THSD7A: variants seen among roughly 807,000 people sequenced by gnomAD.
THSD7A encodes thrombospondin type 1 domain containing 7A, also known as thrombospondin type-1 domain-containing protein 7A.
Under a neutral mutation model 231.3 loss-of-function variants are expected in THSD7A, and 96 were observed. That is an observed-to-expected ratio of 0.41 (90% CI 0.35 to 0.49). The LOEUF (loss-of-function observed/expected upper bound fraction) is 0.49, where lower values mean the gene tolerates loss of function less well. THSD7A is among the 20% of genes least tolerant of loss of function. The probability of loss-of-function intolerance (pLI) is 0.05; values close to 1 mark genes in which losing one functional copy is unlikely to be tolerated. For missense variants in THSD7A, 2,290 were observed against 2,070.2 expected, an observed-to-expected ratio of 1.11 and a Z score of -2.06; for synonymous variants, 940 against 743.3, an observed-to-expected ratio of 1.26 and a Z score of -4.30.
At chr7:11,665,872 C>T (rs1030738808) in intron 1 of THSD7A, among the ~76,000 whole-genome samples, 9 of 152,136 alleles carry the variant, frequency 5.9e-5, no homozygotes, top group African/African-American at 2.2e-4. Context: ...ACACAAATTA[C>T]AAGTTTTTAA....
Position 11,393,217 on chromosome 7 carries a change from C to T in THSD7A, c.4411+8578G>A, listed in dbSNP as rs141883757. On this transcript the variant is annotated intron_variant, in intron 23 of 27. Coordinates refer to ENST00000423059, the MANE Select transcript of THSD7A (RefSeq NM_015204.3). Reference sequence around the variant, plus strand: ...ACTGGCAGCAATCTTCGCTGTTCTGCAGCCTCCGTTGGTGATATCCAGGCA... The same window carrying T: ...ACTGGCAGCAATCTTCGCTGTTCTGTAGCCTCCGTTGGTGATATCCAGGCA... 1.8e-3 allele frequency among the ~76,000 whole-genome samples: 274 copies of T among 152,340 alleles called. 1 individual carries two copies. The highest frequency in any genetic ancestry group is 0.01 in the Middle Eastern group (3 of 294).
intron 1 of THSD7A, among the ~76,000 whole-genome samples, chr7:11,672,904 A>G (rs542539648): frequency 4.0e-4 from 61 of 152,304 alleles, no homozygotes; most frequent in African/African-American, 1.4e-3. Context: ...AATAATTTTA[A>G]TTAGTTTCAG....
At chr7:11,395,014 C>A (rs796995370) in intron 23 of THSD7A, among the ~76,000 whole-genome samples, 1 of 152,100 alleles carries the variant, frequency 6.6e-6, no homozygotes, top group African/African-American at 2.4e-5. Context: ...TTAAAAGACA[C>A]AGACTGGCAA....
At chr7:11,659,776 A>C (rs1465456509) in intron 1 of THSD7A, among the ~76,000 whole-genome samples, 1 of 151,564 alleles carries the variant, frequency 6.6e-6, no homozygotes, top group East Asian at 1.9e-4. Context: ...TGTCACTGTT[A>C]ATACATTAGT....
At chr7:11,776,123 A>C (rs1339103476) in intron 1 of THSD7A, among the ~76,000 whole-genome samples, 1 of 152,220 alleles carries the variant, frequency 6.6e-6, no homozygotes, top group Non-Finnish European at 1.5e-5. Context: ...AGGGAGATGC[A>C]CTTTCAATGA....
At chr7:11,676,325 G>C (rs1386420028) in intron 1 of THSD7A, among the ~76,000 whole-genome samples, 1 of 152,082 alleles carries the variant, frequency 6.6e-6, no homozygotes, top group Non-Finnish European at 1.5e-5. Context: ...AGCACAAAAA[G>C]GCTGAAAATG....
rs567449450 is a variant in THSD7A at position 11,711,727 on chromosome 7, C to A, written c.191-74766G>T. ...GAAGTATGTAACTTCATAGAAAACA[C>A]ACACCTCAGTTGTACTTCAGTTTCA... On this transcript the variant is annotated intron_variant, in intron 1 of 27. Transcript: ENST00000423059. 9.9e-5 allele frequency among the ~76,000 whole-genome samples: 15 copies of A among 151,290 alleles called. No homozygotes were observed. The Middle Eastern group carries it at 0.02, about 206-fold the overall frequency.
intron 23 of THSD7A, among the ~76,000 whole-genome samples, 193 bp downstream of exon 23, chr7:11,401,602 G>C (rs1445204289): frequency 6.6e-6 from 1 of 152,016 alleles, no homozygotes; most frequent in Non-Finnish European, 1.5e-5. Context: ...GTAGAGTTTG[G>C]GTTTGGCCAT....
At chr7:11,735,219 T>G (rs1252938347) in intron 1 of THSD7A, among the ~76,000 whole-genome samples, 1 of 151,930 alleles carries the variant, frequency 6.6e-6, no homozygotes, top group Non-Finnish European at 1.5e-5. Flanking sequence ...TAAGAATATA[T>G]TAGTTGGTGG....
chr7:11,400,703 A>C (rs765461091), intron 23 of THSD7A, among the ~76,000 whole-genome samples: 9 of 152,204 alleles, frequency 5.9e-5, no homozygotes, highest in Non-Finnish European at 1.0e-4. Context: ...AATTCCATCT[A>C]ATTCTTGGGC....
chr7:11,515,844 C>T (rs1435368985), intron 6 of THSD7A, among the ~76,000 whole-genome samples: 2 of 152,106 alleles, frequency 1.3e-5, no homozygotes, highest in African/African-American at 2.4e-5. Context: ...TCACAAGTTA[C>T]TGAGAAGAAA....
At chr7:11,614,255 A>G (rs982269899) in intron 2 of THSD7A, among the ~76,000 whole-genome samples, 2 of 152,108 alleles carry the variant, frequency 1.3e-5, no homozygotes, top group African/African-American at 4.8e-5. Context: ...TGCCTTAGAG[A>G]TTTTAGTTCA....
At chr7:11,764,347 C>A (rs1472474948) in intron 1 of THSD7A, among the ~76,000 whole-genome samples, 1 of 151,908 alleles carries the variant, frequency 6.6e-6, no homozygotes, top group African/African-American at 2.4e-5. Flanking sequence ...TTTGGGAGGC[C>A]GAGGCGGGTG....
chr7:11,785,482 A>G (rs1180512787), intron 1 of THSD7A, among the ~76,000 whole-genome samples: 3 of 151,986 alleles, frequency 2.0e-5, no homozygotes, highest in Non-Finnish European at 2.9e-5. Context: ...CAGCATTTCC[A>G]TTTTGTAAAG....
intron 6 of THSD7A, among the ~76,000 whole-genome samples, chr7:11,498,407 C>A (rs2128309339): frequency 6.6e-6 from 1 of 152,286 alleles, no homozygotes; most frequent in African/African-American, 2.4e-5. Context: ...TCTTCCTCCT[C>A]ACTGGGTGGA....
intron 1 of THSD7A, among the ~76,000 whole-genome samples, chr7:11,713,483 T>C (rs1309459543): frequency 1.3e-5 from 2 of 151,220 alleles, no homozygotes; most frequent in African/African-American, 4.8e-5. Flanking sequence ...AAATTTACTG[T>C]CGTCTTGCCC....
intron 1 of THSD7A, among the ~76,000 whole-genome samples, chr7:11,704,566 A>G (rs1319123382): frequency 6.6e-6 from 1 of 150,874 alleles, no homozygotes; most frequent in Non-Finnish European, 1.5e-5. Context: ...AGTGCTGGGC[A>G]GTAGCTATAG....
Position 11,593,253 on chromosome 7 carries a change from C to T in THSD7A, c.1271+1G>A. On this transcript the variant is annotated splice_donor_variant, in intron 3 of 27. Transcript: ENST00000423059. LOFTEE classifies it high-confidence loss of function. ...CGCTATACCCTTCTTTATTTACTCA[C>T]GTGGCACAGGGGACAACTCCATCTC... The T allele has an allele frequency of 6.2e-7, 1 of 1,613,676 alleles. No homozygotes were observed. Among genetic ancestry groups the T allele is most frequent in the Non-Finnish European group, 8.5e-7 (1 of 1,179,840 alleles).
intron 9 of THSD7A, among the ~76,000 whole-genome samples, chr7:11,467,609 G>C (rs1785762959): frequency 1.3e-5 from 2 of 152,080 alleles, no homozygotes; most frequent in South Asian, 4.1e-4. Context: ...TGCTTTATGT[G>C]AGTTATCACA....
Sources: allele counts gnomAD v4.1 joint callset (sites outside exome capture counted in the v4.1 genomes callset), GRCh38; gene constraint gnomAD v4.1.1; transcripts MANE v1.5; gene names NCBI Gene and HGNC (gene_info 2026-07-23, HGNC 2026-07-21).